The following REG1B variants were observed in gnomAD, a reference collection of about 807,000 sequenced individuals.
The protein encoded by REG1B is regenerating family member 1 beta.
Under a neutral mutation model 20.4 loss-of-function variants are expected in REG1B, and 21 were observed. That is an observed-to-expected ratio of 1.03 (90% CI 0.73 to 1.48). REG1B has a LOEUF of 1.48. Ranked by LOEUF, REG1B falls within the 40% of genes most tolerant of loss-of-function variation. REG1B has a pLI of 0.00. For synonymous variants in REG1B, 82 were observed against 73.4 expected (o/e 1.12, Z -0.60); for missense variants, 247 against 197.2 (o/e 1.25, Z -1.51).
chr2:79,087,249 T>C, intron 2 of REG1B: 1 of 537,300 alleles, frequency 1.9e-6, no homozygotes, highest in East Asian at 3.1e-5. Context: ...CACGTTTGCC[T>C]TAGCTCTCCA....
rs1672389815 is a variant in REG1B, at chr2:79,085,759, T to G, written c.322-156A>C. On this transcript the variant is annotated intron_variant, in intron 4 of 5. Transcript: ENST00000305089. ...CATATCATTTCCTCTGCTTTTGCTC[T>G]AAGCTTCTCCTTCTCTAGAATGTCC... 3 of 498,042 alleles carry G rather than the reference T, an allele frequency of 6.0e-6. No homozygotes were observed. The East Asian group carries it at 1.0e-4, about 17-fold the overall frequency. The allele number at this position is 498,042 out of a possible 1,614,324, so 30.9% of individuals were successfully genotyped here. A position where few individuals can be genotyped will look rare whatever the true frequency, so the allele number is the denominator to read the frequency against.
chr2:79,087,449 C>A, intron 2 of REG1B, 100 bp downstream of exon 2: 2 of 1,200,058 alleles, frequency 1.7e-6, no homozygotes, highest in Non-Finnish European at 2.4e-6. Context: ...ATAAAAAAAC[C>A]CTGATGTTGA....
At position 79,087,155 on chromosome 2, in the gene REG1B, T is replaced by C. The variant is rs2104018638; in HGVS notation, c.65-225A>G. 3 of 557,882 alleles carry C rather than the reference T, an allele frequency of 5.4e-6. 1 individual carries two copies. The highest frequency in any genetic ancestry group is 4.6e-5 in the South Asian group (2 of 43,048). The allele number at this position is 557,882 out of a possible 1,614,324, so 34.6% of individuals were successfully genotyped here. A position where few individuals can be genotyped will look rare whatever the true frequency, so the allele number is the denominator to read the frequency against. Reference sequence around the variant, plus strand: ...AATAGGCTAAATAAATGAGTCCTCGTTTTCCTTTAATTCTGAGGCTGAGGC... The same window carrying C: ...AATAGGCTAAATAAATGAGTCCTCGCTTTCCTTTAATTCTGAGGCTGAGGC... On this transcript the variant is annotated intron_variant, in intron 2 of 5. Coordinates refer to ENST00000305089, the MANE Select transcript of REG1B (RefSeq NM_006507.4).
Position 79,087,608 on chromosome 2 carries a change from G to A in REG1B, c.5C>T (p.Ala2Val). Residue 2 changes from alanine (A) to valine (V), a missense_variant, in exon 2 of 6, where the codon GCT becomes GTT. Transcript: ENST00000305089. The stretch of plus-strand genomic sequence containing the variant: ...CAGCATGAAGAACGAGTTGGTCTGA[G>A]CCATGCTTAGCGGCAGTGAATCTCT... MAQTNSFFMLIS... is the reference protein window; with the variant it reads MVQTNSFFMLIS... The A allele has an allele frequency of 6.2e-7, 1 of 1,613,092 alleles. No individual in the cohort carries two copies. The highest frequency in any genetic ancestry group is 1.1e-5 in the South Asian group (1 of 91,060).
intron 5 of REG1B, 103 bp downstream of exon 5, chr2:79,085,389 C>T (rs1189882560): frequency 7.4e-7 from 1 of 1,345,898 alleles, no homozygotes; most frequent in South Asian, 1.2e-5. Context: ...TCTTTATTTT[C>T]CAGATAAGGA....
chr2:79,086,532 G>T (rs184697971), intron 3 of REG1B, 28 bp from the exon 4 acceptor site: 1 of 1,611,754 alleles, frequency 6.2e-7, no homozygotes, highest in South Asian at 1.1e-5. Context: ...GGAGCACTCA[G>T]TGGAGAAGGA....
chr2:79,085,611 G>A lies in REG1B; in HGVS notation c.322-8C>T, dbSNP rs1355056463. The A allele has an allele frequency of 2.5e-6, 4 of 1,593,100 alleles. No homozygotes were observed. In the African/African-American group the frequency reaches 4.0e-5, roughly 16 times the overall value. On this transcript the variant is annotated splice_polypyrimidine_tract_variant and splice_region_variant and intron_variant, in intron 4 of 5. Coordinates refer to ENST00000305089, the MANE Select transcript of REG1B (RefSeq NM_006507.4). ...CCAGTGCCAGCGGCGGTTCTAGATG[G>A]AGAAGGGCCAGAACAGGGGCCATGG...
chr2:79,086,211 G>T, intron 4 of REG1B, 156 bp downstream of exon 4: 1 of 768,156 alleles, frequency 1.3e-6, no homozygotes, highest in Non-Finnish European at 2.0e-6. Context: ...TACCTACACT[G>T]AACTTCACAA....
chr2:79,086,252 G>A (rs1672397027), intron 4 of REG1B, 115 bp downstream of exon 4: 2 of 1,058,710 alleles, frequency 1.9e-6, no homozygotes, highest in East Asian at 2.5e-5. Flanking sequence ...TAAAGAGGTT[G>A]CTTTTATTTA....
At chr2:79,086,538 A>G in intron 3 of REG1B, 34 bp from the exon 4 acceptor site, 1 of 1,610,846 alleles carries the variant, frequency 6.2e-7, no homozygotes, top group African/African-American at 1.3e-5. Context: ...CTCAGTGGAG[A>G]AGGAAGGTGT....
Position 79,086,842 on chromosome 2 carries a change from A to T in REG1B, c.153T>A (p.Asn51Lys), listed in dbSNP as rs776613553. 6 of 1,613,922 alleles carry T rather than the reference A, an allele frequency of 3.7e-6. No individual in the cohort carries two copies. The South Asian group carries it at 5.5e-5, about 15-fold the overall frequency. Residue 51 changes from asparagine to lysine, a missense_variant, in exon 3 of 6, where the codon AAT (asparagine) becomes AAA (lysine). Transcript: ENST00000305089. ...CATCAACCCAGGTCTCAGGGTCTTC[A>T]TTAAAGTAGTAGCAGTAGGAGCGAT... The part of the protein sequence containing the change: ...NAYRSYCYYF[N>K]EDPETWVDAD...
In REG1B at chr2:79,085,496, G is replaced by T; in HGVS notation, c.429C>A (p.Cys143Ter). The change falls in exon 5 of 6, where the codon TGC becomes TGA. Residue 143 changes from cysteine (C) to a stop codon, truncating the protein, a stop_gained. Transcript: ENST00000305089. LOFTEE classifies it low-confidence loss of function (END_TRUNC). ...NAGYCASLTS[C>*]SGFKKWKDES... ...GATAGATTGTCTGCCTCTCACCTGA[G>T]CATGAAGTCAGGCTTGCACAGTAGC... The T allele has an allele frequency of 6.2e-7, 1 of 1,611,790 alleles. No homozygotes were observed. Among genetic ancestry groups the T allele is most frequent in the Non-Finnish European group, 8.5e-7 (1 of 1,177,928 alleles).
rs142826813 is a variant in REG1B at position 79,085,908 on chromosome 2, A to C, written c.322-305T>G. On this transcript the variant is annotated intron_variant, in intron 4 of 5. Transcript: ENST00000305089. ...GAATCTCAGAACTCTCATATCCAGC[A>C]TAACATTGGCTGTAGAGTAGTCGTT... 1,143 of 273,562 alleles carry C rather than the reference A, an allele frequency of 4.2e-3. 11 individuals carry two copies. Among genetic ancestry groups the C allele is most frequent in the Middle Eastern group, 0.02 (16 of 804 alleles). The allele number at this position is 273,562 out of a possible 1,614,324, so 16.9% of individuals were successfully genotyped here. A position where few individuals can be genotyped will look rare whatever the true frequency, so the allele number is the denominator to read the frequency against.
At chr2:79,085,463 A>G in intron 5 of REG1B, 29 bp downstream of exon 5, 1 of 1,559,032 alleles carries the variant, frequency 6.4e-7, no homozygotes. Context: ...AGGAAATGGC[A>G]ACAGGTGGAT....
intron 4 of REG1B, 123 bp from the exon 5 acceptor site, chr2:79,085,726 A>G: frequency 1.7e-6 from 1 of 586,162 alleles, no homozygotes; most frequent in South Asian, 2.2e-5. Flanking sequence ...TGTTGTCACC[A>G]TGAATATCAT....
chr2:79,087,495 A>C (rs1000609081), intron 2 of REG1B, 54 bp downstream of exon 2: 1 of 1,570,388 alleles, frequency 6.4e-7, no homozygotes, highest in Admixed American at 1.7e-5. Flanking sequence ...ATACATGAGG[A>C]TGGAGGGAAG....
Position 79,085,035 on chromosome 2 carries a change from A to G in REG1B, c.*181T>C, listed in dbSNP as rs1212666234. The G allele has an allele frequency of 2.5e-5, 15 of 597,050 alleles. No homozygotes were observed. Among genetic ancestry groups the G allele is most frequent in the Non-Finnish European group, 4.2e-5 (14 of 333,900 alleles). 37.0% of individuals were successfully genotyped at this position (597,050 alleles called of 1,614,324 possible). On this transcript the variant is annotated 3_prime_UTR_variant, in exon 6 of 6. Coordinates refer to ENST00000305089, the MANE Select transcript of REG1B (RefSeq NM_006507.4). ...GCAGAAGACAGAACACTGGATAAAA[A>G]TAAGTTTGTTTTTATTTTTCAGGGC...
At chr2:79,087,140 AT>A in intron 2 of REG1B, 1 of 574,918 alleles carries the variant, frequency 1.7e-6, no homozygotes, top group Non-Finnish European at 3.1e-6. Flanking sequence ...AATAGGCTAA[AT>A]AAATGAGTCC....
intron 4 of REG1B, 88 bp downstream of exon 4, chr2:79,086,279 A>C (rs1451491902): frequency 1.2e-5 from 16 of 1,378,660 alleles, no homozygotes; most frequent in Non-Finnish European, 1.6e-5. Flanking sequence ...CAAAAAGATA[A>C]AAGTTGGTGA....
Sources: gnomAD v4.1 joint callset for allele counts on GRCh38, gnomAD v4.1.1 for gene constraint, MANE v1.5 for transcripts, NCBI Gene and HGNC (gene_info 2026-07-23, HGNC 2026-07-21) for gene names.